SGCZ: variants seen among roughly 807,000 people sequenced by gnomAD.
SGCZ encodes the protein zeta-sarcoglycan.
A neutral mutation model predicts 41.3 loss-of-function variants in SGCZ; 40 were observed. The observed-to-expected ratio is 0.97, with a 90% confidence interval of 0.75 to 1.26. The LOEUF (loss-of-function observed/expected upper bound fraction) is 1.26. Among genes scored for constraint, SGCZ ranks in the 50% most tolerant of loss-of-function variants. The pLI is 0.00. For synonymous variants in SGCZ, 206 were observed against 137.5 expected, an observed-to-expected ratio of 1.50 and a Z score of -3.49; for missense variants, 552 against 369.8, an observed-to-expected ratio of 1.49 and a Z score of -4.04.
At chr8:14,146,550 A>G (rs1380124009) in intron 5 of SGCZ, among the ~76,000 whole-genome samples, 3 of 152,148 alleles carry the variant, frequency 2.0e-5, no homozygotes, top group African/African-American at 7.2e-5. Flanking sequence ...GAATATTATA[A>G]CACTGTAACA....
At chr8:14,214,485 T>A (rs1322054481) in intron 4 of SGCZ, among the ~76,000 whole-genome samples, 1 of 152,124 alleles carries the variant, frequency 6.6e-6, no homozygotes, top group Non-Finnish European at 1.5e-5. Context: ...CAATATAAAA[T>A]GTTAATCATA....
intron 1 of SGCZ, among the ~76,000 whole-genome samples, chr8:15,110,863 G>C (rs964815362): frequency 2.0e-5 from 3 of 152,160 alleles, no homozygotes; most frequent in African/African-American, 7.2e-5. Context: ...AGCTACTTAA[G>C]AGGCTGAGGC....
chr8:15,127,713 G>C (rs1807757418), intron 1 of SGCZ, among the ~76,000 whole-genome samples: 1 of 152,014 alleles, frequency 6.6e-6, no homozygotes, highest in South Asian at 2.1e-4. Context: ...ATTTATAAAA[G>C]TCTCCCTCTT....
intron 2 of SGCZ, among the ~76,000 whole-genome samples, chr8:14,348,484 C>G (rs1451208250): frequency 6.6e-6 from 1 of 152,082 alleles, no homozygotes; most frequent in African/African-American, 2.4e-5. Context: ...ATATTTGAGT[C>G]ATATATATTC....
rs187080144 is a variant in SGCZ, at chr8:14,697,476, T to C, written c.40-142550A>G. On this transcript the variant is annotated intron_variant, in intron 1 of 7. Transcript: ENST00000382080. ...CAATACATTTGCATACCAATCCCCTTGCTAATCATTAACACACACAAAAGG... is the reference window on the plus strand; with the variant it reads ...CAATACATTTGCATACCAATCCCCTCGCTAATCATTAACACACACAAAAGG... Among the ~76,000 whole-genome samples the C allele has an allele frequency of 1.2e-3, 184 of 152,184 alleles. 1 individual carries two copies. The highest frequency in any genetic ancestry group is 1.9e-3 in the Non-Finnish European group (132 of 67,932).
At chr8:14,159,278 A>G (rs1420613096) in intron 5 of SGCZ, among the ~76,000 whole-genome samples, 2 of 152,120 alleles carry the variant, frequency 1.3e-5, no homozygotes, top group African/African-American at 4.8e-5. Context: ...AGGGGAATGA[A>G]CTGTCCTCTT....
chr8:14,215,409 G>C (rs1015227317), intron 4 of SGCZ, among the ~76,000 whole-genome samples: 2 of 151,884 alleles, frequency 1.3e-5, no homozygotes, highest in African/African-American at 4.8e-5. Context: ...ACTTGCCCTA[G>C]CAAAGAGGAG....
At chr8:14,962,841 C>A (rs1329851183) in intron 1 of SGCZ, among the ~76,000 whole-genome samples, 1 of 152,174 alleles carries the variant, frequency 6.6e-6, no homozygotes, top group Non-Finnish European at 1.5e-5. Context: ...GAGCTTGAAT[C>A]ATTTCTGCCA....
chr8:14,374,563 G>T (rs550626379), intron 2 of SGCZ, among the ~76,000 whole-genome samples: 1 of 136,550 alleles, frequency 7.3e-6, no homozygotes, highest in East Asian at 2.0e-4. Context: ...GTATAAAAGA[G>T]TCATTTGGTT....
chr8:15,207,269 A>G (rs532687929), intron 1 of SGCZ, among the ~76,000 whole-genome samples: 1 of 152,316 alleles, frequency 6.6e-6, no homozygotes, highest in East Asian at 1.9e-4. Flanking sequence ...GACCTTTGAA[A>G]GAAGGCTAGG....
At chr8:14,826,194 T>C (rs562973454) in intron 1 of SGCZ, among the ~76,000 whole-genome samples, 2 of 151,974 alleles carry the variant, frequency 1.3e-5, no homozygotes, top group South Asian at 4.2e-4. Flanking sequence ...TTTGGTTTTT[T>C]GTCCTTGCGA....
intron 1 of SGCZ, among the ~76,000 whole-genome samples, chr8:14,735,616 C>G: frequency 6.6e-6 from 1 of 152,148 alleles, no homozygotes; most frequent in East Asian, 1.9e-4. Context: ...CTAATGGCCT[C>G]CTACCTCCTC....
intron 3 of SGCZ, among the ~76,000 whole-genome samples, chr8:14,317,514 A>T (rs1421737500): frequency 6.6e-6 from 1 of 152,012 alleles, no homozygotes; most frequent in East Asian, 1.9e-4. Context: ...CAAACACCCC[A>T]AATAATAGCT....
chr8:14,471,686 CTAAA>C (rs1801216807), intron 2 of SGCZ, among the ~76,000 whole-genome samples: 1 of 151,992 alleles, frequency 6.6e-6, no homozygotes, highest in Non-Finnish European at 1.5e-5. Context: ...TTAATATTTA[CTAAA>C]TATTATGAAG....
chr8:14,694,435 T>C (rs80265466), intron 1 of SGCZ, among the ~76,000 whole-genome samples: 1 of 152,174 alleles, frequency 6.6e-6, no homozygotes, highest in Non-Finnish European at 1.5e-5. Context: ...TTGACTTTAG[T>C]CTGTGTTTAT....
chr8:15,117,920 A>G (rs1339055838), intron 1 of SGCZ, among the ~76,000 whole-genome samples: 1 of 152,224 alleles, frequency 6.6e-6, no homozygotes, highest in Non-Finnish European at 1.5e-5. Context: ...GCTGTCTTAA[A>G]CATACCAGAC....
At position 14,086,451 on chromosome 8, in the gene SGCZ, C is replaced by G. The variant is rs186018172; in HGVS notation, c.*3992G>C. 6.6e-6 allele frequency among the ~76,000 whole-genome samples: 1 copy of G among 151,514 alleles called. No individual in the cohort carries two copies. The highest frequency in any genetic ancestry group is 1.5e-5 in the Non-Finnish European group (1 of 67,658). On this transcript the variant is annotated 3_prime_UTR_variant, in exon 8 of 8. Coordinates refer to ENST00000382080, the MANE Select transcript of SGCZ (RefSeq NM_139167.4). The stretch of plus-strand genomic sequence containing the variant: ...CGAGGCATTCTCTGATTGAGTCATT[C>G]GATAGAATATGTAGGAATTTTGAAT...
chr8:14,553,655 A>C (rs912700971), intron 2 of SGCZ, among the ~76,000 whole-genome samples: 1 of 152,014 alleles, frequency 6.6e-6, no homozygotes, highest in Non-Finnish European at 1.5e-5. Context: ...GGTGCCTTAC[A>C]ACATGGACGG....
intron 1 of SGCZ, among the ~76,000 whole-genome samples, chr8:15,027,852 A>T (rs554810608): frequency 6.6e-6 from 1 of 152,210 alleles, no homozygotes; most frequent in South Asian, 2.1e-4. Flanking sequence ...GTGTATATTT[A>T]TTTAGCTCTT....
Sources: allele counts gnomAD v4.1 joint callset (sites outside exome capture counted in the v4.1 genomes callset), GRCh38; gene constraint gnomAD v4.1.1; transcripts MANE v1.5; gene names NCBI Gene and HGNC (gene_info 2026-07-23, HGNC 2026-07-21).